The following CASZ1 variants were observed in gnomAD, a reference collection of about 807,000 sequenced individuals.
The protein encoded by CASZ1 is castor zinc finger 1.
A neutral mutation model predicts 135.2 loss-of-function variants in CASZ1; 28 were observed. The ratio of observed to expected loss-of-function variants is 0.21; its 90% CI spans 0.15 to 0.28. CASZ1 has a LOEUF of 0.28. Ranked by LOEUF, CASZ1 falls within the 10% of genes least tolerant of loss-of-function variation. CASZ1 has a pLI of 1.00. For missense variants in CASZ1, 2,161 were observed against 2,453.3 expected, an observed-to-expected ratio of 0.88 and a Z score of 2.52; for synonymous variants, 1,068 against 1,073.4, an observed-to-expected ratio of 0.99 and a Z score of 0.10.
At chr1:10,746,280 G>C (rs907830558) in intron 2 of CASZ1, among the ~76,000 whole-genome samples, 4 of 152,096 alleles carry the variant, frequency 2.6e-5, no homozygotes, top group African/African-American at 9.7e-5. Context: ...ACACACGCAT[G>C]CACGGCAAAA....
At position 10,791,632 on chromosome 1, in the gene CASZ1, C is replaced by T. The variant is rs115606647; in HGVS notation, c.-234+4932G>A. 9.4e-3 allele frequency among the ~76,000 whole-genome samples: 1,430 copies of T among 152,014 alleles called. 18 individuals are homozygous for T. Among genetic ancestry groups the T allele is most frequent in the East Asian group, 0.047 (245 of 5,172 alleles). ...TATGTCTGAAAGCTGACACTTCAGC[C>T]TTGAAAAGAAATGGGGGAAAATAAG... On this transcript the variant is annotated intron_variant, in intron 1 of 20. Transcript: ENST00000377022.
At chr1:10,708,861 T>C (rs1639226425) in intron 2 of CASZ1, among the ~76,000 whole-genome samples, 2 of 149,006 alleles carry the variant, frequency 1.3e-5, no homozygotes, top group Non-Finnish European at 3.0e-5. Flanking sequence ...TGCAGGCGGC[T>C]CGGAGTGGGG....
At chr1:10,749,744 C>T (rs767445549) in intron 2 of CASZ1, among the ~76,000 whole-genome samples, 59 of 152,160 alleles carry the variant, frequency 3.9e-4, no homozygotes, top group Non-Finnish European at 8.8e-5. Context: ...GCTGGGGTTG[C>T]GAGAGGACCC....
chr1:10,792,832 A>T (rs894299330), intron 1 of CASZ1, among the ~76,000 whole-genome samples: 9 of 152,166 alleles, frequency 5.9e-5, no homozygotes, highest in African/African-American at 2.2e-4. Flanking sequence ...TTGAACTTTA[A>T]AATATTTGGG....
At chr1:10,704,695 G>GCTT (rs1463601571) in intron 3 of CASZ1, 1 of 152,320 alleles carries the variant, frequency 6.6e-6, no homozygotes, top group Non-Finnish European at 1.5e-5. Flanking sequence ...CCCCCGCCCC[G>GCTT]CCAAGCGGGG....
chr1:10,665,518 T>G lies in CASZ1; in HGVS notation c.70A>C (p.Lys24Gln). The G allele has an allele frequency of 6.3e-7, 1 of 1,599,392 alleles. No homozygotes were observed. Among genetic ancestry groups the G allele is most frequent in the Non-Finnish European group, 8.5e-7 (1 of 1,177,620 alleles). The change falls in exon 5 of 21, where the codon AAA (lysine) becomes CAA (glutamine). Residue 24 changes from lysine to glutamine, a missense_variant. Transcript: ENST00000377022. ...TTCAGCTTCAGGCCACCCTTGCGTT[T>G]GGGCGCCATGGCGGGCTTGCCTGCA... is the stretch of plus-strand genomic sequence containing the variant. ...PPAGKPAMAPKRKGGLKLNAI... is the reference protein window; with the variant it reads ...PPAGKPAMAPQRKGGLKLNAI...
At position 10,694,384 on chromosome 1, in the gene CASZ1, CG is replaced by C; in HGVS notation, c.-23-473del. ...TGCCTAATTGCAACTGATTACTCCCCGAATAACAAGTTGTTTTAAAGCCCTG... is the reference window on the plus strand; with the variant it reads ...TGCCTAATTGCAACTGATTACTCCCCAATAACAAGTTGTTTTAAAGCCCTG... On this transcript the variant is annotated intron_variant, in intron 3 of 20. Coordinates refer to ENST00000377022, the MANE Select transcript of CASZ1 (RefSeq NM_001079843.3). This position sits in a 1 kb window ranked among gnomAD's most constrained non-coding sequence, Gnocchi z 6.6. 2 of 1,019,820 alleles carry C rather than the reference CG, an allele frequency of 2.0e-6. No homozygotes were observed. Among genetic ancestry groups the C allele is most frequent in the South Asian group, 1.9e-5 (1 of 52,160 alleles). The allele number at this position is 1,019,820 out of a possible 1,614,324, so 63.2% of individuals were successfully genotyped here.
Position 10,743,367 on chromosome 1 carries a change from G to A in CASZ1, c.-77+17334C>T, listed in dbSNP as rs997050237. 2.0e-5 allele frequency among the ~76,000 whole-genome samples: 3 copies of A among 152,104 alleles called. No homozygotes were observed. The East Asian group carries it at 5.9e-4, about 30-fold the overall frequency. On this transcript the variant is annotated intron_variant, in intron 2 of 20. Transcript: ENST00000377022. ...TCGGAGAAGGAGACTACATCTCCAA[G>A]TACCCCCACTCAGACCCATCGGTTC...
intron 2 of CASZ1, among the ~76,000 whole-genome samples, chr1:10,758,270 T>C (rs1446560019): frequency 2.0e-5 from 3 of 151,608 alleles, no homozygotes; most frequent in Non-Finnish European, 4.4e-5. Flanking sequence ...GGGGCGGTCT[T>C]GTCCACTCTG....
intron 1 of CASZ1, among the ~76,000 whole-genome samples, chr1:10,786,143 G>A (rs1056795149): frequency 2.0e-5 from 3 of 152,060 alleles, no homozygotes; most frequent in Non-Finnish European, 4.4e-5. Context: ...GGCCACTGGC[G>A]CCTTGGGCCG....
rs113789748 is a variant in CASZ1 at position 10,666,729 on chromosome 1, C to T, written c.17-1158G>A. On this transcript the variant is annotated intron_variant, in intron 4 of 20. Coordinates refer to ENST00000377022, the MANE Select transcript of CASZ1 (RefSeq NM_001079843.3). This position sits in a 1 kb window ranked among gnomAD's most constrained non-coding sequence, Gnocchi z 5.2. ...GCACCGAGGGTCCTGGGGGGGCATACGGCAAGCCCACCCACCACACAGCCT... is the reference window on the plus strand; with the variant it reads ...GCACCGAGGGTCCTGGGGGGGCATATGGCAAGCCCACCCACCACACAGCCT... Among the ~76,000 whole-genome samples the T allele has an allele frequency of 3.0e-3, 464 of 152,318 alleles. 2 individuals carry two copies. The highest frequency in any genetic ancestry group is 0.01 in the African/African-American group (417 of 41,572).
intron 4 of CASZ1, among the ~76,000 whole-genome samples, chr1:10,692,089 A>C (rs1638787552): frequency 6.6e-6 from 1 of 152,136 alleles, no homozygotes; most frequent in Non-Finnish European, 1.5e-5. Flanking sequence ...AAGCCACAAG[A>C]GGCTCTGCCA....
In CASZ1 at chr1:10,660,076, G is replaced by T. The variant is rs72858531; in HGVS notation, c.966C>A (p.Gly322=). ...TCCCGTTCTGGGGCCGCAGATTCTCGCCGGTCTTCAGTTTTTGGATGAAGA... is the reference window on the plus strand; with the variant it reads ...TCCCGTTCTGGGGCCGCAGATTCTCTCCGGTCTTCAGTTTTTGGATGAAGA... The part of the protein sequence containing the change: ...YDFFIQKLKT[G]ENLRPQNGST... The change falls in exon 6 of 21, where the codon GGC becomes GGA. Residue 322 remains glycine, a synonymous_variant. Coordinates refer to ENST00000377022, the MANE Select transcript of CASZ1 (RefSeq NM_001079843.3). 1,229 of 1,614,168 alleles carry T rather than the reference G, an allele frequency of 7.6e-4. 5 individuals are homozygous for T. The African/African-American group carries it at 9.3e-3, about 12-fold the overall frequency.
In CASZ1 at chr1:10,647,106, G is replaced by C; in HGVS notation, c.3497+695C>G. On this transcript the variant is annotated intron_variant, in intron 16 of 20. Coordinates refer to ENST00000377022, the MANE Select transcript of CASZ1 (RefSeq NM_001079843.3). This position sits in a 1 kb window ranked among gnomAD's most constrained non-coding sequence, Gnocchi z 4.9. The stretch of plus-strand genomic sequence containing the variant: ...GCTGCTACTCTGGGGAGGAGGAGGG[G>C]GAGGGGAGGCTGGTGGGGGGGACGG... The C allele has an allele frequency of 2.7e-6, 1 of 375,190 alleles. No homozygotes were observed. The highest frequency in any genetic ancestry group is 1.1e-4 in the South Asian group (1 of 9,346). 23.2% of individuals were successfully genotyped at this position (375,190 alleles called of 1,614,324 possible). A position where few individuals can be genotyped will look rare whatever the true frequency, so the allele number is the denominator to read the frequency against.
intron 2 of CASZ1, among the ~76,000 whole-genome samples, chr1:10,710,816 C>T (rs1471656467): frequency 1.3e-5 from 2 of 152,252 alleles, no homozygotes; most frequent in Non-Finnish European, 2.9e-5. Flanking sequence ...TGACGCTGTG[C>T]CAGGCACAAG....
rs758896261 is a variant in CASZ1 at position 10,653,654 on chromosome 1, G to A, written c.2403C>T (p.Tyr801=). Residue 801 remains tyrosine, a synonymous_variant, in exon 11 of 21, where the codon TAC becomes TAT. Transcript: ENST00000377022. ...TCCCACGGCCAGCCAGTATGGGGAA[G>A]TAGGGCGTGGGGGTGGGCAGGCCCG... ...SNSGLPTPTP[Y]FPILAGRGST... The A allele has an allele frequency of 6.4e-7, 1 of 1,554,160 alleles. No individual in the cohort carries two copies. The highest frequency in any genetic ancestry group is 2.3e-5 in the East Asian group (1 of 44,370).
chr1:10,681,726 C>T (rs1367164990), intron 4 of CASZ1, among the ~76,000 whole-genome samples: 1 of 152,220 alleles, frequency 6.6e-6, no homozygotes, highest in Non-Finnish European at 1.5e-5. Flanking sequence ...TTCTGGAGCT[C>T]GTTAGGGTGG....
chr1:10,681,449 C>T (rs1273826362), intron 4 of CASZ1, among the ~76,000 whole-genome samples: 1 of 152,156 alleles, frequency 6.6e-6, no homozygotes, highest in East Asian at 1.9e-4. Context: ...GCAGAAACTG[C>T]TCCTTCACCT....
rs1156865904 is a variant in CASZ1 at position 10,727,559 on chromosome 1, C to A, written c.-76-22015G>T. Among the ~76,000 whole-genome samples the A allele has an allele frequency of 6.6e-6, 1 of 152,140 alleles. No homozygotes were observed. Among genetic ancestry groups the A allele is most frequent in the African/African-American group, 2.4e-5 (1 of 41,436 alleles). On this transcript the variant is annotated intron_variant, in intron 2 of 20. Transcript: ENST00000377022. This position sits in a 1 kb window ranked among gnomAD's most constrained non-coding sequence, Gnocchi z 5.3. ...TCCTGAAGGACTCTCTTCCTTGGTCCCCATAGCCCCCAAGCCAGGTTCCTA... is the reference window on the plus strand; with the variant it reads ...TCCTGAAGGACTCTCTTCCTTGGTCACCATAGCCCCCAAGCCAGGTTCCTA...
Sources: allele counts gnomAD v4.1 joint callset (sites outside exome capture counted in the v4.1 genomes callset), GRCh38; gene constraint gnomAD v4.1.1; non-coding constraint Gnocchi (gnomAD v3.1); transcripts MANE v1.5; gene names NCBI Gene and HGNC (gene_info 2026-07-23, HGNC 2026-07-21).